IL1RAPL2: variants seen among roughly 807,000 people sequenced by gnomAD.
IL1RAPL2 encodes X-linked interleukin-1 receptor accessory protein-like 2.
A neutral mutation model predicts 44.1 loss-of-function variants in IL1RAPL2; 3 were observed. That is an observed-to-expected ratio of 0.07 (90% confidence interval 0.03 to 0.18). IL1RAPL2 has a LOEUF of 0.18. Ranked by LOEUF, IL1RAPL2 falls within the 10% of genes least tolerant of loss-of-function variation. The pLI is 1.00. For synonymous variants in IL1RAPL2, 181 were observed against 178.8 expected (o/e 1.01, Z -0.10); for missense variants, 391 against 496.4 (o/e 0.79, Z 2.02).
intron 2 of IL1RAPL2, among the ~76,000 whole-genome samples, chrX:105,131,243 C>T (rs987923041): frequency 1.8e-5 from 2 of 110,589 alleles, no homozygotes; most frequent in Non-Finnish European, 3.8e-5. Context: ...GCAACAATTA[C>T]AGCTGTTTTT....
At chrX:105,740,035 G>A (rs1271739565) in intron 7 of IL1RAPL2, among the ~76,000 whole-genome samples, 3 of 104,389 alleles carry the variant, frequency 2.9e-5, no homozygotes, top group African/African-American at 1.1e-4. Flanking sequence ...TTTAATGATT[G>A]CCATTCTAAC....
At chrX:105,386,635 A>G (rs180885672) in intron 5 of IL1RAPL2, among the ~76,000 whole-genome samples, 45 of 112,157 alleles carry the variant, frequency 4.0e-4, no homozygotes, top group Middle Eastern at 4.6e-3. Flanking sequence ...ATTCAAACAT[A>G]AAGTTTGAAA....
chrX:104,704,873 C>T (rs762179748), intron 2 of IL1RAPL2, among the ~76,000 whole-genome samples: 1 of 111,578 alleles, frequency 9.0e-6, no homozygotes, highest in South Asian at 3.8e-4. Flanking sequence ...CATCTGACTC[C>T]TCTATTAGAC....
chrX:104,941,581 T>C (rs1480188665), intron 2 of IL1RAPL2, among the ~76,000 whole-genome samples: 1 of 111,856 alleles, frequency 8.9e-6, no homozygotes, highest in African/African-American at 3.3e-5. Flanking sequence ...TTAAGTTCTT[T>C]GTAGATTCTG....
At chrX:104,673,372 T>C (rs1341883277) in intron 2 of IL1RAPL2, among the ~76,000 whole-genome samples, 21 of 111,376 alleles carry the variant, frequency 1.9e-4, no homozygotes, top group African/African-American at 6.5e-4. Context: ...CCCCATTGCT[T>C]GTTTTTCTCA....
chrX:104,976,800 G>A (rs952753004), intron 2 of IL1RAPL2, among the ~76,000 whole-genome samples: 1 of 110,197 alleles, frequency 9.1e-6, no homozygotes, highest in Non-Finnish European at 1.9e-5. Flanking sequence ...GCCTGATTGG[G>A]GCCACAGAAA....
chrX:105,659,937 A>C (rs996048240), intron 6 of IL1RAPL2, among the ~76,000 whole-genome samples: 1 of 111,316 alleles, frequency 9.0e-6, no homozygotes, highest in East Asian at 2.8e-4. Flanking sequence ...GAGGAAAGAG[A>C]GAGAGATATT....
intron 6 of IL1RAPL2, among the ~76,000 whole-genome samples, chrX:105,541,169 T>C (rs1006224230): frequency 9.2e-6 from 1 of 109,041 alleles, no homozygotes; most frequent in African/African-American, 3.3e-5. Flanking sequence ...ATCATATTAC[T>C]CTGCTGCTTA....
intron 2 of IL1RAPL2, among the ~76,000 whole-genome samples, chrX:105,119,764 A>G (rs888141454): frequency 1.9e-4 from 21 of 111,493 alleles, no homozygotes; most frequent in African/African-American, 5.9e-4. Context: ...TAAGCAATGT[A>G]GTTTAAACTA....
chrX:105,072,697 T>G (rs754415003), intron 2 of IL1RAPL2, among the ~76,000 whole-genome samples: 53 of 110,869 alleles, frequency 4.8e-4, no homozygotes, highest in Non-Finnish European at 8.9e-4. Context: ...CGTGCAGTAT[T>G]GTTACATAGG....
At chrX:105,408,176 G>A (rs1294182280) in intron 5 of IL1RAPL2, among the ~76,000 whole-genome samples, 4 of 112,074 alleles carry the variant, frequency 3.6e-5, no homozygotes, top group African/African-American at 1.3e-4. Context: ...TAAAAATAAA[G>A]GCATTTGGCT....
intron 6 of IL1RAPL2, among the ~76,000 whole-genome samples, chrX:105,500,550 G>A (rs1274822931): frequency 9.0e-6 from 1 of 110,756 alleles, no homozygotes; most frequent in African/African-American, 3.3e-5. Context: ...TTTTGCTGGG[G>A]CAAGTATTAC....
intron 2 of IL1RAPL2, among the ~76,000 whole-genome samples, chrX:105,095,199 C>A (rs2032590366): frequency 9.0e-6 from 1 of 111,080 alleles, no homozygotes; most frequent in East Asian, 2.8e-4. Flanking sequence ...ACCTCCAGTA[C>A]AATGTTGAAT....
Position 105,673,689 on chromosome X carries a change from T to C in IL1RAPL2, c.773-43678T>C, listed in dbSNP as rs192514868. 2.5e-4 allele frequency among the ~76,000 whole-genome samples: 28 copies of C among 112,034 alleles called. No homozygotes were observed. The East Asian group carries it at 7.9e-3, about 32-fold the overall frequency. ...ATTTCTTTGGGTATCTACCCAGTAA[T>C]GGGATTGCTGGGTCAAATGGTATTT... On this transcript the variant is annotated intron_variant, in intron 6 of 10. Transcript: ENST00000372582.
intron 7 of IL1RAPL2, among the ~76,000 whole-genome samples, chrX:105,724,165 A>G (rs1004238949): frequency 2.7e-5 from 3 of 111,022 alleles, no homozygotes; most frequent in Non-Finnish European, 5.7e-5. Context: ...GTGTGTTACA[A>G]CTTTTTATTT....
chrX:104,962,775 C>A (rs2030033334), intron 2 of IL1RAPL2, among the ~76,000 whole-genome samples: 1 of 111,915 alleles, frequency 8.9e-6, no homozygotes, highest in African/African-American at 3.3e-5. Flanking sequence ...CTCCACAATT[C>A]CAGGGTGATT....
chrX:104,888,218 G>C (rs1299393156), intron 2 of IL1RAPL2, among the ~76,000 whole-genome samples: 2 of 97,897 alleles, frequency 2.0e-5, no homozygotes, highest in Non-Finnish European at 4.1e-5. Context: ...AAAGAAAAGA[G>C]AGAAAGAGAC....
chrX:104,920,768 C>T (rs747593032), intron 2 of IL1RAPL2, among the ~76,000 whole-genome samples: 1 of 109,399 alleles, frequency 9.1e-6, no homozygotes, highest in Admixed American at 9.8e-5. Context: ...AGACAGAGTC[C>T]ATTTACATAC....
chrX:104,645,886 G>C (rs5962966), intron 1 of IL1RAPL2, among the ~76,000 whole-genome samples: 12,455 of 112,044 alleles, frequency 0.11, 1,667 homozygotes, highest in African/African-American at 0.38. Flanking sequence ...TCACATGCAT[G>C]ATCTCTCATG....
Sources: gnomAD v4.1 joint callset for allele counts (sites outside exome capture counted in the v4.1 genomes callset) on GRCh38, gnomAD v4.1.1 for gene constraint, MANE v1.5 for transcripts, NCBI Gene and HGNC (gene_info 2026-07-23, HGNC 2026-07-21) for gene names.